Variants in DAB2IP observed in about 807,000 individuals in gnomAD.
DAB2IP encodes the protein disabled homolog 2-interacting protein.
Under a neutral mutation model 107.2 loss-of-function variants are expected in DAB2IP, and 28 were observed. That is an observed-to-expected ratio of 0.26 (90% CI 0.19 to 0.36). DAB2IP has a LOEUF of 0.36. Among genes scored for constraint, DAB2IP ranks in the 10% least tolerant of loss-of-function variants. The pLI is 1.00. For missense variants in DAB2IP, 1,400 were observed against 1,644.7 expected (o/e 0.85, Z 2.57); for synonymous variants, 755 against 706.4 (o/e 1.07, Z -1.09).
chr9:121,718,161 A>G (rs1460075418), intron 3 of DAB2IP, among the ~76,000 whole-genome samples: 3 of 152,086 alleles, frequency 2.0e-5, no homozygotes, highest in Non-Finnish European at 4.4e-5. Flanking sequence ...TGCCCTGGCA[A>G]CAGCTCTGCG....
chr9:121,650,534 G>A (rs1252691020), upstream of DAB2IP, among the ~76,000 whole-genome samples: 1 of 152,198 alleles, frequency 6.6e-6, no homozygotes, highest in Non-Finnish European at 1.5e-5. Context: ...CCCTAAGTCT[G>A]AATGTTGAGA....
intron 3 of DAB2IP, among the ~76,000 whole-genome samples, chr9:121,739,296 G>A (rs1832148352): frequency 6.6e-6 from 1 of 152,234 alleles, no homozygotes. Context: ...CAGAGACTTT[G>A]GTGTGTGTGG....
intron 3 of DAB2IP, among the ~76,000 whole-genome samples, chr9:121,715,119 C>T (rs1277983689): frequency 2.0e-5 from 3 of 152,324 alleles, no homozygotes; most frequent in Non-Finnish European, 2.9e-5. Flanking sequence ...AGGGAGCTGG[C>T]CTTGGCACTT....
rs1184732304 is a variant in DAB2IP at position 121,699,415 on chromosome 9, C to T, written c.319C>T (p.Pro107Ser). Residue 107 changes from proline (P) to serine (S), a missense_variant, in exon 3 of 16, where the codon CCG becomes TCG. By Grantham distance (74) the Pro-to-Ser change is moderately conservative. Transcript: ENST00000408936. This position sits in a 1 kb window ranked among gnomAD's most constrained non-coding sequence, Gnocchi z 6.2. Reference sequence around the variant, plus strand: ...CAACCACAGCTTCCGCCACATCCTGCCGGGGTTCCGGAGCGCCGCCGCCGC... The same window carrying T: ...CAACCACAGCTTCCGCCACATCCTGTCGGGGTTCCGGAGCGCCGCCGCCGC... The T allele has an allele frequency of 4.1e-6, 6 of 1,468,092 alleles. No individual in the cohort carries two copies. Among genetic ancestry groups the T allele is most frequent in the Non-Finnish European group, 5.5e-6 (6 of 1,099,842 alleles). 90.9% of individuals were successfully genotyped at this position (1,468,092 alleles called of 1,614,324 possible).
chr9:121,766,841 G>A, intron 9 of DAB2IP, 111 bp downstream of exon 9: 4 of 1,103,148 alleles, frequency 3.6e-6, no homozygotes, highest in Non-Finnish European at 5.3e-6. Flanking sequence ...ACAGGCCCTG[G>A]TTTTGTCCCT....
Position 121,772,174 on chromosome 9 carries a change from G to A in DAB2IP, c.2079-433G>A, listed in dbSNP as rs1412273210. On this transcript the variant is annotated intron_variant, in intron 11 of 15. Transcript: ENST00000408936. The surrounding 1 kb of genome is among the most constrained non-coding windows in gnomAD (Gnocchi z 4.7). ...CCACTTCAGTTACCAGTCTGATTAG[G>A]AACAAGAGGGAAGAGGCAGAGGGAA... 6.6e-6 allele frequency among the ~76,000 whole-genome samples: 1 copy of A among 152,192 alleles called. No individual in the cohort carries two copies. The highest frequency in any genetic ancestry group is 6.5e-5 in the Admixed American group (1 of 15,280).
rs145754287 is a variant in DAB2IP at position 121,589,916 on chromosome 9, CTCCCTTCCCTTCCCTTCCCT to C, written c.40+22742_40+22761del. ...CAATTCCTCCTTCTGCCCAGTCCTG[CTCCCTTCCCTTCCCTTCCCT>C]TCCCTTCCCTTCCCTTCCCTTCCCT... is the stretch of plus-strand genomic sequence containing the variant. On this transcript the variant is annotated intron_variant, in intron 1 of 16. Transcript: ENST00000259371. 5.4e-3 allele frequency among the ~76,000 whole-genome samples: 509 copies of C among 93,400 alleles called. 10 individuals carry two copies. The highest frequency in any genetic ancestry group is 0.018 in the African/African-American group (477 of 26,210). 61.3% of individuals were successfully genotyped at this position (93,400 alleles called of 152,430 possible). A position where few individuals can be genotyped will look rare whatever the true frequency, so the allele number is the denominator to read the frequency against.
exon 16 of DAB2IP, chr9:121,783,165 T>C: frequency 9.9e-7 from 1 of 1,009,582 alleles, no homozygotes; most frequent in Non-Finnish European, 1.2e-6. Context: ...GAGCACCACC[T>C]GCTACCTTCT....
At chr9:121,722,800 A>T (rs559602863) in intron 3 of DAB2IP, among the ~76,000 whole-genome samples, 194 of 152,280 alleles carry the variant, frequency 1.3e-3, no homozygotes, top group African/African-American at 4.6e-3. Flanking sequence ...ATATAATGAG[A>T]CTATGTTTCA....
At chr9:121,715,516 C>T (rs1188149871) in intron 3 of DAB2IP, among the ~76,000 whole-genome samples, 2 of 151,870 alleles carry the variant, frequency 1.3e-5, no homozygotes. Flanking sequence ...CCACACCCGG[C>T]TAATTTTTTT....
chr9:121,735,646 C>G (rs1211714040), intron 3 of DAB2IP, among the ~76,000 whole-genome samples: 1 of 152,142 alleles, frequency 6.6e-6, no homozygotes, highest in Non-Finnish European at 1.5e-5. Context: ...CCTCGGGTTC[C>G]TGGCCTCAGC....
chr9:121,728,219 T>C (rs1037114129), intron 3 of DAB2IP, among the ~76,000 whole-genome samples: 1 of 152,194 alleles, frequency 6.6e-6, no homozygotes, highest in African/African-American at 2.4e-5. Flanking sequence ...GGTACTTCTC[T>C]GAATCTCAGT....
intron 3 of DAB2IP, among the ~76,000 whole-genome samples, chr9:121,737,914 G>C (rs563524620): frequency 6.6e-6 from 1 of 152,310 alleles, no homozygotes; most frequent in African/African-American, 2.4e-5. Flanking sequence ...AAAGTGCAAG[G>C]CTTGGGGGAC....
At position 121,758,976 on chromosome 9, in the gene DAB2IP, C is replaced by A. The variant is rs114266755; in HGVS notation, c.595C>A (p.Arg199=). Residue 199 remains arginine (R), a synonymous_variant, in exon 5 of 16, where the codon CGA becomes AGA. Coordinates refer to ENST00000408936, the Ensembl canonical transcript of DAB2IP. ...GGATAAGTGGATGGAGAACCTCCGG[C>A]GAGCGGTGCATCCCAACAAGGTAAG... The A allele has an allele frequency of 2.0e-3, 3,279 of 1,612,870 alleles. 28 individuals are homozygous for A. The African/African-American group carries it at 0.025, about 12-fold the overall frequency.
intron 3 of DAB2IP, chr9:121,751,641 C>A (rs985347363): frequency 1.3e-5 from 2 of 152,568 alleles, no homozygotes; most frequent in African/African-American, 4.8e-5. Context: ...GAGTCCAGGT[C>A]ACTTGTGCGA....
Position 121,711,764 on chromosome 9 carries a change from C to G in DAB2IP, c.362+12306C>G, listed in dbSNP as rs181987610. Among the ~76,000 whole-genome samples, 372 of 152,318 alleles carry G rather than the reference C, an allele frequency of 2.4e-3. 3 individuals carry two copies. The highest frequency in any genetic ancestry group is 8.5e-3 in the African/African-American group (353 of 41,578). On this transcript the variant is annotated intron_variant, in intron 3 of 15. Coordinates refer to ENST00000408936, the Ensembl canonical transcript of DAB2IP. ...TTCCTCAAAGCAGCTACCAGCTCTC[C>G]TGTGTGTGGGATGGGGCCTGGCTCT...
intron 3 of DAB2IP, among the ~76,000 whole-genome samples, chr9:121,706,904 G>A (rs542404837): frequency 9.8e-5 from 15 of 152,310 alleles, no homozygotes; most frequent in Non-Finnish European, 1.8e-4. Flanking sequence ...GAAAACCTAC[G>A]GGAGGGAGAG....
In DAB2IP at chr9:121,611,826, C is replaced by G. The variant is rs574442285; in HGVS notation, c.40+44598C>G. 4.3e-4 allele frequency among the ~76,000 whole-genome samples: 66 copies of G among 152,266 alleles called. 1 individual carries two copies. Among genetic ancestry groups the G allele is most frequent in the African/African-American group, 1.5e-3 (62 of 41,550 alleles). On this transcript the variant is annotated intron_variant, in intron 1 of 16. Coordinates refer to the DAB2IP transcript ENST00000259371. ...TCTCAAACTCCTGGCCTCAAGTGAT[C>G]CACCTGCCTCGGCCTCCCAAAGTGC...
At chr9:121,689,506 C>T (rs1370852558) in intron 2 of DAB2IP, among the ~76,000 whole-genome samples, 1 of 152,000 alleles carries the variant, frequency 6.6e-6, no homozygotes, top group Admixed American at 6.5e-5. Flanking sequence ...GGAGTTTCCC[C>T]CACCCCTCCC....
Sources: allele counts gnomAD v4.1 joint callset (sites outside exome capture counted in the v4.1 genomes callset), GRCh38; gene constraint gnomAD v4.1.1; non-coding constraint Gnocchi (gnomAD v3.1); transcripts MANE v1.5; gene names NCBI Gene and HGNC (gene_info 2026-07-23, HGNC 2026-07-21).